The following MNS1 variants were observed in gnomAD, a reference collection of about 807,000 sequenced individuals.
MNS1 encodes meiosis-specific nuclear structural protein 1.
MNS1 carries 63 observed loss-of-function variants against 72.0 expected under a neutral mutation model. The observed-to-expected ratio is 0.87, with a 90% CI of 0.71 to 1.08. The LOEUF (loss-of-function observed/expected upper bound fraction) is 1.08, where lower values mean the gene tolerates loss of function less well. Among genes scored for constraint, MNS1 ranks in the 50% least tolerant of loss-of-function variants. MNS1 has a pLI of 0.00. For synonymous variants in MNS1, 188 were observed against 172.1 expected, an observed-to-expected ratio of 1.09 and a Z score of -0.72; for missense variants, 604 against 562.4, an observed-to-expected ratio of 1.07 and a Z score of -0.75.
intron 8 of MNS1, among the ~76,000 whole-genome samples, chr15:56,433,529 C>T (rs1423650336): frequency 1.3e-5 from 2 of 152,136 alleles, no homozygotes; most frequent in Admixed American, 6.5e-5. Context: ...CCATCAATTC[C>T]GTATCCTTAA....
chr15:56,459,990 C>CAAAAAAAAAAAAAAAAAAAAA (rs150132300), intron 2 of MNS1, among the ~76,000 whole-genome samples: 1 of 11,114 alleles, frequency 9.0e-5, no homozygotes, highest in Non-Finnish European at 1.6e-4. Flanking sequence ...AATTCTGTCT[C>CAAAAAAAAAAAAAAAAAAAAA]AAAAAAAAAA....
At chr15:56,434,455 A>G in intron 7 of MNS1, 60 bp from the exon 8 acceptor site, 2 of 1,501,626 alleles carry the variant, frequency 1.3e-6, no homozygotes, top group Admixed American at 2.0e-5. Context: ...ATTTATAAGG[A>G]AAGAGTGATA....
chr15:56,461,705 G>T (rs1421595858), intron 2 of MNS1, among the ~76,000 whole-genome samples: 1 of 147,738 alleles, frequency 6.8e-6, no homozygotes, highest in Non-Finnish European at 1.5e-5. Context: ...AATATAAAAG[G>T]GCATCCATTG....
intron 9 of MNS1, among the ~76,000 whole-genome samples, chr15:56,430,686 C>T (rs1422681585): frequency 2.0e-5 from 3 of 152,220 alleles, no homozygotes; most frequent in Non-Finnish European, 4.4e-5. Context: ...TTTTCATACA[C>T]ATTCTCATCT....
intron 2 of MNS1, among the ~76,000 whole-genome samples, chr15:56,462,286 G>A (rs2051028630): frequency 6.6e-6 from 1 of 152,160 alleles, no homozygotes; most frequent in Admixed American, 6.5e-5. Flanking sequence ...TGAAACCACA[G>A]ATGAAAGTTT....
At chr15:56,460,371 G>C (rs1345497757) in intron 2 of MNS1, among the ~76,000 whole-genome samples, 3 of 152,056 alleles carry the variant, frequency 2.0e-5, no homozygotes, top group African/African-American at 7.2e-5. Flanking sequence ...CATGCTATGT[G>C]ACTCAGGACA....
At chr15:56,460,005 A>AT (rs1374166252) in intron 2 of MNS1, among the ~76,000 whole-genome samples, 3 of 30,512 alleles carry the variant, frequency 9.8e-5, no homozygotes, top group African/African-American at 3.6e-4. Flanking sequence ...AAAAAAAAAA[A>AT]AAAAATACAT....
At chr15:56,464,579 C>G (rs2051046052) in intron 1 of MNS1, among the ~76,000 whole-genome samples, 1 of 150,396 alleles carries the variant, frequency 6.6e-6, no homozygotes, top group African/African-American at 2.4e-5. Context: ...CCTCATTCCA[C>G]CCACCACCAC....
chr15:56,439,939 G>A (rs1455628255), intron 7 of MNS1, among the ~76,000 whole-genome samples: 1 of 151,952 alleles, frequency 6.6e-6, no homozygotes, highest in Non-Finnish European at 1.5e-5. Context: ...AAGAAAAATC[G>A]TGCTCTAAGA....
Position 56,444,432 on chromosome 15 carries a change from G to T in MNS1, c.686+12C>A. 6.3e-7 allele frequency: 1 copy of T among 1,592,442 alleles called. No homozygotes were observed. The highest frequency in any genetic ancestry group is 1.1e-5 in the South Asian group (1 of 87,542). ...AACATTTAGACATGTAAGAAAGTTA[G>T]GATAAACTTACAACTGATCTTCTTC... is the stretch of plus-strand genomic sequence containing the variant. On this transcript the variant is annotated intron_variant, in intron 5 of 9. Coordinates refer to ENST00000260453, the MANE Select transcript of MNS1 (RefSeq NM_018365.4).
At chr15:56,454,457 A>G (rs1193106558) in intron 3 of MNS1, among the ~76,000 whole-genome samples, 6 of 151,624 alleles carry the variant, frequency 4.0e-5, no homozygotes, top group Non-Finnish European at 8.8e-5. Context: ...CATTCATTCT[A>G]TTTTTTTTGT....
intron 2 of MNS1, among the ~76,000 whole-genome samples, chr15:56,457,331 A>T (rs1390987457): frequency 6.6e-6 from 1 of 152,154 alleles, no homozygotes; most frequent in African/African-American, 2.4e-5. Flanking sequence ...AAACACATGA[A>T]AAGATATTCA....
intron 7 of MNS1, among the ~76,000 whole-genome samples, chr15:56,434,684 A>G (rs1309448099): frequency 6.6e-6 from 1 of 152,148 alleles, no homozygotes; most frequent in Non-Finnish European, 1.5e-5. Flanking sequence ...GAGCTGTTAC[A>G]AAAGCCTTTT....
At chr15:56,453,854 A>G (rs1241500163) in intron 3 of MNS1, among the ~76,000 whole-genome samples, 6 of 152,180 alleles carry the variant, frequency 3.9e-5, no homozygotes, top group African/African-American at 1.4e-4. Flanking sequence ...ATAAACTTCA[A>G]TGATTTTTTA....
chr15:56,451,623 CT>C (rs1454563811), intron 3 of MNS1, among the ~76,000 whole-genome samples: 40 of 152,212 alleles, frequency 2.6e-4, no homozygotes, highest in African/African-American at 9.6e-4. Context: ...GTTAAAAATA[CT>C]TTCTAATTTC....
rs530496683 is a variant in MNS1, at chr15:56,461,559, G to T, written c.225+2467C>A. On this transcript the variant is annotated intron_variant, in intron 2 of 9. Transcript: ENST00000260453. ...GCCTGTAATCTCAGCTACTTGGGAG[G>T]CTGAGGGAGAAGAATCTCTTGAACC... Among the ~76,000 whole-genome samples, 54 of 151,186 alleles carry T rather than the reference G, an allele frequency of 3.6e-4. 1 individual carries two copies. Among genetic ancestry groups the T allele is most frequent in the African/African-American group, 1.0e-3 (42 of 41,206 alleles).
chr15:56,435,645 G>C (rs774036457), intron 7 of MNS1, among the ~76,000 whole-genome samples: 1 of 151,904 alleles, frequency 6.6e-6, no homozygotes, highest in Non-Finnish European at 1.5e-5. Context: ...AATCTGAATA[G>C]TCCTATCACT....
chr15:56,446,983 A>G (rs113142772), intron 3 of MNS1, 40 bp from the exon 4 acceptor site: 113 of 1,414,832 alleles, frequency 8.0e-5, no homozygotes, highest in Non-Finnish European at 1.1e-4. Context: ...TGTTAGGACC[A>G]TAAGAGAATG....
intron 2 of MNS1, among the ~76,000 whole-genome samples, chr15:56,460,034 A>ATATATATATATATG (rs1465903004): frequency 2.9e-5 from 3 of 104,156 alleles, no homozygotes; most frequent in African/African-American, 1.0e-4. Context: ...ATATATATAT[A>ATATATATATATATG]TGTGACTATA....
Sources: allele counts gnomAD v4.1 joint callset (sites outside exome capture counted in the v4.1 genomes callset), GRCh38; gene constraint gnomAD v4.1.1; transcripts MANE v1.5; gene names NCBI Gene and HGNC (gene_info 2026-07-23, HGNC 2026-07-21).